AK9: variants seen among roughly 807,000 people sequenced by gnomAD.
AK9 encodes adenylate kinase 9, also known as adenylate kinase domain containing 1.
Under a neutral mutation model 239.6 loss-of-function variants are expected in AK9, and 191 were observed. The observed-to-expected ratio is 0.80, with a 90% confidence interval of 0.71 to 0.90. The LOEUF (loss-of-function observed/expected upper bound fraction) is 0.90, where lower values mean the gene tolerates loss of function less well. AK9 is among the 40% of genes least tolerant of loss of function. The pLI, the probability that AK9 is intolerant of heterozygous loss-of-function variation, is 0.00. For missense variants in AK9, 1,995 were observed against 2,214.7 expected, an observed-to-expected ratio of 0.90 and a Z score of 1.99; for synonymous variants, 689 against 721.0, an observed-to-expected ratio of 0.96 and a Z score of 0.71.
chr6:109,604,009 C>CTT (rs1792482465), intron 17 of AK9, among the ~76,000 whole-genome samples: 1 of 152,192 alleles, frequency 6.6e-6, no homozygotes, highest in South Asian at 2.1e-4. Context: ...TCCCTGACCC[C>CTT]TTTTGCTTCC....
intron 35 of AK9, among the ~76,000 whole-genome samples, chr6:109,506,076 G>T (rs941859792): frequency 1.3e-5 from 2 of 152,120 alleles, no homozygotes; most frequent in Middle Eastern, 6.8e-3. Flanking sequence ...CTTCCTAAAG[G>T]CCCCACCTCT....
At chr6:109,525,964 G>T (rs2128127091) in intron 29 of AK9, among the ~76,000 whole-genome samples, 1 of 152,304 alleles carries the variant, frequency 6.6e-6, no homozygotes, top group South Asian at 2.1e-4. Flanking sequence ...CCATAAAAAA[G>T]AATGAATTCA....
intron 29 of AK9, chr6:109,528,518 A>G (rs1224493846): frequency 2.2e-6 from 1 of 456,270 alleles, no homozygotes; most frequent in South Asian, 1.5e-5. Flanking sequence ...TCTCAGTCCA[A>G]TGGTTTTTTC....
chr6:109,514,241 T>C lies in AK9; in HGVS notation c.4262A>G (p.Lys1421Arg). The C allele has an allele frequency of 6.4e-7, 1 of 1,551,050 alleles. No homozygotes were observed. The highest frequency in any genetic ancestry group is 8.7e-7 in the Non-Finnish European group (1 of 1,146,810). ...ACGCTCACCTGTAGTTTTCCCAGAT[T>C]TTGGAGGCCCCACAATTATAATCCT... ...PIRIIIVGPP[K>R]SGKTTVAKKI... Residue 1421 changes from lysine (K) to arginine (R), a missense_variant, in exon 32 of 41, where the codon AAA becomes AGA. Coordinates refer to ENST00000424296, the MANE Select transcript of AK9 (RefSeq NM_001145128.3).
chr6:109,559,173 T>TTTG (rs1183580438), intron 24 of AK9, among the ~76,000 whole-genome samples: 11 of 150,940 alleles, frequency 7.3e-5, no homozygotes, highest in East Asian at 5.9e-4. Context: ...ATCTGTTTTT[T>TTTG]TTTTTGTTTT....
Position 109,619,093 on chromosome 6 carries a change from T to C in AK9, c.1398A>G (p.Gln466=), listed in dbSNP as rs1187961370. Residue 466 remains glutamine (Q), a splice_region_variant and synonymous_variant, in exon 13 of 41, where the codon CAA becomes CAG. Coordinates refer to ENST00000424296, the MANE Select transcript of AK9 (RefSeq NM_001145128.3). ...ACACATTTTAAAAAGATGTTTCACC[T>C]TGTTTTCTAGCTTGCAGTTCCCTGA... The part of the protein sequence containing the change: ...KLLRELQARK[Q]AETALREFQR... 6.5e-7 allele frequency: 1 copy of C among 1,533,754 alleles called. No individual in the cohort carries two copies. Among genetic ancestry groups the C allele is most frequent in the Non-Finnish European group, 8.8e-7 (1 of 1,141,938 alleles).
intron 12 of AK9, among the ~76,000 whole-genome samples, chr6:109,630,397 C>T (rs1023326999): frequency 1.2e-4 from 18 of 152,116 alleles, no homozygotes; most frequent in African/African-American, 4.3e-4. Flanking sequence ...GATTTTTCTA[C>T]ATAAAATTGC....
At chr6:109,503,730 C>T (rs1412043918) in intron 35 of AK9, among the ~76,000 whole-genome samples, 1 of 152,190 alleles carries the variant, frequency 6.6e-6, no homozygotes, top group Non-Finnish European at 1.5e-5. Context: ...CTAGGGCTGA[C>T]ATACCCACCC....
chr6:109,568,150 G>C (rs1027056569), intron 21 of AK9, among the ~76,000 whole-genome samples: 1 of 152,012 alleles, frequency 6.6e-6, no homozygotes, highest in Non-Finnish European at 1.5e-5. Context: ...ACGTAATCCA[G>C]CATATAAACA....
At chr6:109,534,446 A>G (rs954728238) in intron 27 of AK9, among the ~76,000 whole-genome samples, 9 of 150,034 alleles carry the variant, frequency 6.0e-5, no homozygotes, top group Non-Finnish European at 1.2e-4. Flanking sequence ...GTTTGTTTTT[A>G]ATATTTATAT....
chr6:109,589,333 T>C (rs906484405), intron 17 of AK9, among the ~76,000 whole-genome samples: 2 of 152,174 alleles, frequency 1.3e-5, no homozygotes, highest in Non-Finnish European at 2.9e-5. Flanking sequence ...ATTATTTTCA[T>C]AGCCATTATA....
At chr6:109,497,661 T>C in intron 37 of AK9, 98 bp from the exon 38 acceptor site, 1 of 1,331,236 alleles carries the variant, frequency 7.5e-7, no homozygotes, top group Non-Finnish European at 1.0e-6. Flanking sequence ...TCTACCTATG[T>C]AGCTCAAGGA....
chr6:109,645,885 G>A (rs111986567), intron 8 of AK9, among the ~76,000 whole-genome samples: 1 of 152,200 alleles, frequency 6.6e-6, no homozygotes, highest in African/African-American at 2.4e-5. Flanking sequence ...AGCAACATTT[G>A]CTGTTCTGCA....
chr6:109,534,875 G>A lies in AK9; in HGVS notation c.3351-1405C>T, dbSNP rs539491448. 1.2e-3 allele frequency among the ~76,000 whole-genome samples: 175 copies of A among 152,026 alleles called. 1 individual carries two copies. Among genetic ancestry groups the A allele is most frequent in the African/African-American group, 3.9e-3 (162 of 41,474 alleles). On this transcript the variant is annotated intron_variant, in intron 27 of 40. Coordinates refer to ENST00000424296, the MANE Select transcript of AK9 (RefSeq NM_001145128.3). ...GCGGTGTTTGGTTTTTTGTCCTCAC[G>A]ATAGTTTGCTGAGAATGATGGTTTC...
rs1201748224 is a variant in AK9 at position 109,514,383 on chromosome 6, G to A, written c.4120C>T (p.Pro1374Ser). ...PVENAENPIY[P>S]VIHRQYIYFL... ...TAAATATACTGACGATGGATTACAG[G>A]ATAAATTGGATTCTCTGCATTTTCA... Residue 1374 changes from proline to serine, a missense_variant, in exon 32 of 41, where the codon CCT becomes TCT. Physicochemically the swap from Pro to Ser is moderately conservative, Grantham distance 74 (BLOSUM62 -1). Coordinates refer to ENST00000424296, the MANE Select transcript of AK9 (RefSeq NM_001145128.3). 4 of 1,550,404 alleles carry A rather than the reference G, an allele frequency of 2.6e-6. No individual in the cohort carries two copies. The highest frequency in any genetic ancestry group is 3.5e-6 in the Non-Finnish European group (4 of 1,146,780).
chr6:109,658,323 A>G (rs1309962506), intron 7 of AK9, among the ~76,000 whole-genome samples: 1 of 152,168 alleles, frequency 6.6e-6, no homozygotes, highest in African/African-American at 2.4e-5. Flanking sequence ...ACACATCTTC[A>G]TATTAAGTAC....
chr6:109,498,904 T>G, intron 36 of AK9, 140 bp downstream of exon 36: 1 of 636,564 alleles, frequency 1.6e-6, no homozygotes, highest in Non-Finnish European at 2.5e-6. Context: ...CTGAGTTGCT[T>G]CACTGGTCCC....
chr6:109,615,341 T>G (rs1237298943), intron 13 of AK9, among the ~76,000 whole-genome samples: 1 of 151,850 alleles, frequency 6.6e-6, no homozygotes, highest in Non-Finnish European at 1.5e-5. Context: ...TTCTCATCTG[T>G]ATTGCTGGTG....
In AK9 at chr6:109,564,779, T is replaced by C; in HGVS notation, c.2411A>G (p.Glu804Gly). ...ACCTGTTTCAGATAATTTTTCAATT[T>C]CCAGGCCCTCTTTGGATCCTTTTGG... ...EIPKGSKEGL[E>G]IEKLSETVVL... The change falls in exon 22 of 41, where the codon GAA (glutamate) becomes GGA (glycine). Residue 804 changes from glutamate to glycine, a missense_variant. Physicochemically the swap from Glu to Gly is moderately conservative, Grantham distance 98 (BLOSUM62 -2). This residue lies in a region of AK9 where 1,290 missense variants were observed against 1,392.7 expected (regional missense o/e 0.93). Coordinates refer to ENST00000424296, the MANE Select transcript of AK9 (RefSeq NM_001145128.3). The C allele has an allele frequency of 6.5e-7, 1 of 1,546,360 alleles. No individual in the cohort carries two copies. The highest frequency in any genetic ancestry group is 8.7e-7 in the Non-Finnish European group (1 of 1,144,402).
Sources: gnomAD v4.1 joint callset for allele counts (sites outside exome capture counted in the v4.1 genomes callset) on GRCh38, gnomAD v4.1.1 for gene constraint, gnomAD v4.1.1 regional missense constraint, MANE v1.5 for transcripts, NCBI Gene and HGNC (gene_info 2026-07-23, HGNC 2026-07-21) for gene names.